PRKCB: variants seen among roughly 807,000 people sequenced by gnomAD.
PRKCB encodes protein kinase C beta.
In PRKCB, 13 loss-of-function variants were observed where a neutral mutation model predicts 81.5. That is an observed-to-expected ratio of 0.16 (90% confidence interval 0.10 to 0.25). The LOEUF is 0.25. Ranked by LOEUF, PRKCB falls within the 10% of genes least tolerant of loss-of-function variation. PRKCB has a pLI of 1.00. For synonymous variants in PRKCB, 335 were observed against 321.4 expected (o/e 1.04, Z -0.45); for missense variants, 509 against 875.7 (o/e 0.58, Z 5.29).
intron 15 of PRKCB, among the ~76,000 whole-genome samples, chr16:24,188,081 G>A (rs553480731): frequency 6.6e-6 from 1 of 152,328 alleles, no homozygotes; most frequent in East Asian, 1.9e-4. Flanking sequence ...ATGGAGGAAA[G>A]AGCATTTTCC....
intron 3 of PRKCB, among the ~76,000 whole-genome samples, chr16:23,990,927 A>G (rs540375282): frequency 6.6e-6 from 1 of 152,304 alleles, no homozygotes; most frequent in South Asian, 2.1e-4. Flanking sequence ...TCATTGCCCA[A>G]TAATGAACTG....
rs869257784 is a variant in PRKCB at position 24,108,321 on chromosome 16, AT to A, written c.822-4646del. On this transcript the variant is annotated intron_variant, in intron 7 of 16. Coordinates refer to ENST00000643927, the MANE Select transcript of PRKCB (RefSeq NM_002738.7). Reference sequence around the variant, plus strand: ...TTTTTTTTTAATTGATTGACTTTTTATTTTTTATTTTATTTTTTTTTAAATT... The same window carrying A: ...TTTTTTTTTAATTGATTGACTTTTTATTTTTATTTTATTTTTTTTTAAATT... Among the ~76,000 whole-genome samples, 31 of 139,708 alleles carry A rather than the reference AT, an allele frequency of 2.2e-4. No homozygotes were observed. The South Asian group carries it at 4.0e-3, about 18-fold the overall frequency. The allele number at this position is 139,708 out of a possible 152,430, so 91.7% of individuals were successfully genotyped here.
intron 2 of PRKCB, among the ~76,000 whole-genome samples, chr16:23,974,053 C>G (rs764652654): frequency 6.6e-6 from 1 of 151,746 alleles, no homozygotes; most frequent in Non-Finnish European, 1.5e-5. Context: ...TATGAGGTCT[C>G]ATATATATAT....
intron 2 of PRKCB, among the ~76,000 whole-genome samples, chr16:23,976,387 C>T (rs553905975): frequency 1.3e-5 from 2 of 152,246 alleles, no homozygotes; most frequent in East Asian, 1.9e-4. Flanking sequence ...GGAAAATAAA[C>T]CCTCTTTCCT....
At chr16:24,190,759 C>G (rs535274064) in intron 15 of PRKCB, among the ~76,000 whole-genome samples, 1 of 152,088 alleles carries the variant, frequency 6.6e-6, no homozygotes, top group East Asian at 1.9e-4. Flanking sequence ...CCTTGTGATT[C>G]GCCCGCCTAG....
chr16:23,869,368 C>G, intron 2 of PRKCB: 1 of 257,574 alleles, frequency 3.9e-6, no homozygotes, highest in Non-Finnish European at 7.9e-6. Context: ...AGCTAAACTT[C>G]GAATATTGTA....
At chr16:23,961,743 C>A (rs528215662) in intron 2 of PRKCB, among the ~76,000 whole-genome samples, 13 of 151,978 alleles carry the variant, frequency 8.6e-5, no homozygotes, top group Non-Finnish European at 1.9e-4. Context: ...ATTTTACTTG[C>A]CAGTTGAGCA....
At chr16:24,121,553 T>G (rs1387523304) in intron 8 of PRKCB, among the ~76,000 whole-genome samples, 1 of 151,764 alleles carries the variant, frequency 6.6e-6, no homozygotes, top group Non-Finnish European at 1.5e-5. Flanking sequence ...TAATTAAACT[T>G]TTTTTTTGAG....
chr16:24,207,087 T>G (rs1482801111), intron 16 of PRKCB, among the ~76,000 whole-genome samples: 1 of 152,196 alleles, frequency 6.6e-6, no homozygotes, highest in Non-Finnish European at 1.5e-5. Flanking sequence ...TGTGGCGTCA[T>G]GCCCTGAGAA....
chr16:24,145,689 T>C (rs1966978314), intron 9 of PRKCB, among the ~76,000 whole-genome samples: 1 of 152,212 alleles, frequency 6.6e-6, no homozygotes, highest in Admixed American at 6.5e-5. Context: ...GGAAGCAAGA[T>C]CTTGGGTCCC....
intron 3 of PRKCB, among the ~76,000 whole-genome samples, chr16:24,019,712 C>T (rs541040433): frequency 2.6e-5 from 4 of 151,356 alleles, no homozygotes; most frequent in South Asian, 2.1e-4. Context: ...TGCAGTGAGC[C>T]GAGATTGCAC....
intron 2 of PRKCB, among the ~76,000 whole-genome samples, chr16:23,924,026 G>A (rs762730628): frequency 6.6e-6 from 1 of 152,004 alleles, no homozygotes; most frequent in African/African-American, 2.4e-5. Flanking sequence ...ATTAGACTTT[G>A]TGTCCCCACC....
chr16:24,098,093 G>A, intron 7 of PRKCB: 1 of 152,190 alleles, frequency 6.6e-6, no homozygotes, highest in East Asian at 1.9e-4. Flanking sequence ...GTTAACTTTG[G>A]AATGCCCTTG....
intron 2 of PRKCB, among the ~76,000 whole-genome samples, chr16:23,875,915 G>A (rs1297102042): frequency 2.6e-5 from 4 of 152,288 alleles, no homozygotes; most frequent in African/African-American, 9.6e-5. Flanking sequence ...GCCCAAGTCT[G>A]CATTCCTTCA....
intron 2 of PRKCB, among the ~76,000 whole-genome samples, chr16:23,982,542 A>G (rs911966251): frequency 1.3e-5 from 2 of 151,168 alleles, no homozygotes; most frequent in African/African-American, 2.4e-5. Context: ...AATTCCCCCC[A>G]CCTCAGCTTC....
chr16:23,889,116 GTCCATCCATCCATCCA>G (rs60798460), intron 2 of PRKCB, among the ~76,000 whole-genome samples: 5,905 of 147,568 alleles, frequency 0.04, 367 homozygotes, highest in African/African-American at 0.13. Context: ...CTGTTCACTC[GTCCATCCATCCATCCA>G]TCCATCCATC....
rs908451219 is a variant in PRKCB, at chr16:24,012,486, G to C, written c.289-19650G>C. 2.6e-5 allele frequency among the ~76,000 whole-genome samples: 4 copies of C among 152,274 alleles called. No individual in the cohort carries two copies. In the South Asian group the frequency reaches 8.3e-4, roughly 32 times the overall value. ...AACCCTCTCTGGACAAGTAGCCTCT[G>C]GTCCTGTCTCCCTGCTTCCTCTCTG... On this transcript the variant is annotated intron_variant, in intron 3 of 16. Transcript: ENST00000643927.
intron 5 of PRKCB, among the ~76,000 whole-genome samples, chr16:24,087,310 ATC>A (rs1416703469): frequency 1.3e-5 from 2 of 152,132 alleles, no homozygotes; most frequent in South Asian, 2.1e-4. Context: ...AACGTGCTTC[ATC>A]TTGCTTTTTT....
intron 9 of PRKCB, among the ~76,000 whole-genome samples, chr16:24,141,878 G>T (rs1483526103): frequency 6.6e-6 from 1 of 152,218 alleles, no homozygotes; most frequent in African/African-American, 2.4e-5. Context: ...AGCGACATTG[G>T]TCGATTGCTC....
Sources: gnomAD v4.1 joint callset for allele counts (sites outside exome capture counted in the v4.1 genomes callset) on GRCh38, gnomAD v4.1.1 for gene constraint, MANE v1.5 for transcripts, NCBI Gene and HGNC (gene_info 2026-07-23, HGNC 2026-07-21) for gene names.